The following LRRTM1 variants were observed in gnomAD, a reference collection of about 807,000 sequenced individuals.
LRRTM1 encodes leucine-rich repeat transmembrane neuronal protein 1.
A neutral mutation model predicts 37.3 loss-of-function variants in LRRTM1; 8 were observed. The ratio of observed to expected loss-of-function variants is 0.21; its 90% confidence interval spans 0.13 to 0.39. The LOEUF is 0.39. Ranked by LOEUF, LRRTM1 falls within the 10% of genes least tolerant of loss-of-function variation. The pLI is 1.00. For missense variants in LRRTM1, 557 were observed against 691.0 expected, an observed-to-expected ratio of 0.81 and a Z score of 2.17; for synonymous variants, 326 against 316.8, an observed-to-expected ratio of 1.03 and a Z score of -0.31.
chr2:80,301,529 A>G (rs958837493), downstream of LRRTM1, among the ~76,000 whole-genome samples: 3 of 152,194 alleles, frequency 2.0e-5, no homozygotes, highest in Non-Finnish European at 4.4e-5. Context: ...TTTAAAAACC[A>G]TTTGCAATGC....
At chr2:80,301,499 G>A (rs1441476436), downstream of LRRTM1, among the ~76,000 whole-genome samples, 1 of 152,156 alleles carries the variant, frequency 6.6e-6, no homozygotes, top group African/African-American at 2.4e-5. Flanking sequence ...GTTCCTAGGA[G>A]AAACTGTCTG....
At chr2:80,296,612 A>G (rs891316239) in intron 2 of LRRTM1, among the ~76,000 whole-genome samples, 1 of 152,240 alleles carries the variant, frequency 6.6e-6, no homozygotes. Context: ...ATCTAAAACT[A>G]ACTCAGAAGT....
downstream of LRRTM1, chr2:80,299,724 T>A (rs1676071951): frequency 6.6e-6 from 1 of 152,198 alleles, no homozygotes; most frequent in African/African-American, 2.4e-5. Context: ...TAAAAATGTC[T>A]TGGGGATAGG....
In LRRTM1 at chr2:80,303,443, G is replaced by A. The variant is rs758815898; in HGVS notation, c.377C>T (p.Thr126Ile). The A allele has an allele frequency of 8.1e-6, 13 of 1,614,242 alleles. 1 individual carries two copies. The South Asian group carries it at 1.2e-4, about 15-fold the overall frequency. The change falls in exon 2 of 2, where the codon ACC (threonine) becomes ATC (isoleucine). Residue 126 changes from threonine (T) to isoleucine (I), a missense_variant. Thr to Ile is a moderately conservative substitution (Grantham distance 89). Coordinates refer to ENST00000295057, the MANE Select transcript of LRRTM1 (RefSeq NM_178839.5). The surrounding 1 kb of genome is among the most constrained non-coding windows in gnomAD (Gnocchi z 7.7). ...KELTLSSNQI[T>I]QLPNTTFRPM... is the part of the protein sequence containing the mutation. Reference sequence around the variant, plus strand: ...CCGGAAGGTGGTGTTGGGCAGTTGGGTGATCTGGTTGGAACTCAGCGTGAG... The same window carrying A: ...CCGGAAGGTGGTGTTGGGCAGTTGGATGATCTGGTTGGAACTCAGCGTGAG...
chr2:80,291,244 G>C (rs187684300), intron 2 of LRRTM1, among the ~76,000 whole-genome samples: 1 of 152,334 alleles, frequency 6.6e-6, no homozygotes, highest in African/African-American at 2.4e-5. Flanking sequence ...GATAGCAAAG[G>C]AGAATGCATA....
At chr2:80,289,381 C>T (rs984540116) in intron 2 of LRRTM1, among the ~76,000 whole-genome samples, 2 of 152,112 alleles carry the variant, frequency 1.3e-5, no homozygotes, top group African/African-American at 4.8e-5. Context: ...ATATTACTTG[C>T]CCTACTAATC....
At chr2:80,300,149 AG>A (rs984190771), downstream of LRRTM1, among the ~76,000 whole-genome samples, 1 of 152,122 alleles carries the variant, frequency 6.6e-6, no homozygotes, top group Admixed American at 6.5e-5. Flanking sequence ...TATCAAACAA[AG>A]CACCTCTCTT....
chr2:80,297,667 G>A (rs536800444), downstream of LRRTM1, among the ~76,000 whole-genome samples: 1 of 152,168 alleles, frequency 6.6e-6, no homozygotes, highest in African/African-American at 2.4e-5. Context: ...ATACTTTAAT[G>A]GAAAAATACT....
intron 2 of LRRTM1, among the ~76,000 whole-genome samples, chr2:80,291,703 C>T (rs1261468364): frequency 6.6e-6 from 1 of 152,166 alleles, no homozygotes; most frequent in Non-Finnish European, 1.5e-5. Flanking sequence ...TTTTCACCTC[C>T]AGGAATTGAC....
In LRRTM1 at chr2:80,303,237, T is replaced by G. The variant is rs1275510872; in HGVS notation, c.583A>C (p.Asn195His). Residue 195 changes from asparagine to histidine, a missense_variant, in exon 2 of 2, where the codon AAT becomes CAT. Physicochemically the swap from Asn to His is moderately conservative, Grantham distance 68. Around this residue, in one of 5 missense-constraint regions of LRRTM1, gnomAD observed 200 missense variants for 249.9 expected, o/e 0.80. Transcript: ENST00000295057. This position sits in a 1 kb window ranked among gnomAD's most constrained non-coding sequence, Gnocchi z 7.7. Reference sequence around the variant, plus strand: ...TTGCGCGCCAGACTCTTGAGCTGATTGTATCCGATGTCGAGAAACTTGAGG... The same window carrying G: ...TTGCGCGCCAGACTCTTGAGCTGATGGTATCCGATGTCGAGAAACTTGAGG... ...RSLKFLDIGY[N>H]QLKSLARNSF... 6.2e-7 allele frequency: 1 copy of G among 1,613,646 alleles called. No homozygotes were observed. Among genetic ancestry groups the G allele is most frequent in the Non-Finnish European group, 8.5e-7 (1 of 1,179,962 alleles).
chr2:80,289,028 G>C (rs1179825086), exon 3 of LRRTM1: 1 of 152,128 alleles, frequency 6.6e-6, no homozygotes, highest in South Asian at 2.1e-4. Flanking sequence ...GCACTTTTAA[G>C]ATGGGAGTAA....
chr2:80,288,753 C>T (rs1674986814), exon 3 of LRRTM1: 1 of 152,218 alleles, frequency 6.6e-6, no homozygotes, highest in Admixed American at 6.6e-5. Flanking sequence ...TTATTCCCCC[C>T]ACAAAGAGCT....
chr2:80,292,253 A>G (rs889105617), intron 2 of LRRTM1, among the ~76,000 whole-genome samples: 3 of 152,154 alleles, frequency 2.0e-5, no homozygotes, highest in African/African-American at 7.2e-5. Flanking sequence ...CTCAGTAACA[A>G]TGGGCTTAAT....
rs1675235414 is a variant in LRRTM1, at chr2:80,291,483, G to A, written c.*307-2288C>T. On this transcript the variant is annotated intron_variant and NMD_transcript_variant, in intron 2 of 2. Coordinates refer to the LRRTM1 transcript ENST00000417012. ...CTGCCAGAAGAAAGGGTCAACCTCA[G>A]ATGTGTACTTCATCATTTGTTAAAT... is the stretch of plus-strand genomic sequence containing the variant. 2.0e-5 allele frequency among the ~76,000 whole-genome samples: 3 copies of A among 152,228 alleles called. No homozygotes were observed. In the South Asian group the frequency reaches 6.2e-4, roughly 31 times the overall value.
downstream of LRRTM1, among the ~76,000 whole-genome samples, chr2:80,300,597 C>G (rs1676194589): frequency 6.6e-6 from 1 of 151,952 alleles, no homozygotes; most frequent in Non-Finnish European, 1.5e-5. Flanking sequence ...CCCCCATTCC[C>G]TCTTCCTGCT....
At chr2:80,301,642 G>T (rs1178299903), downstream of LRRTM1, among the ~76,000 whole-genome samples, 1 of 152,132 alleles carries the variant, frequency 6.6e-6, no homozygotes, top group African/African-American at 2.4e-5. Context: ...AATATAAAGG[G>T]TCTTGCAGTT....
intron 2 of LRRTM1, among the ~76,000 whole-genome samples, chr2:80,295,528 G>A (rs760549508): frequency 7.9e-5 from 12 of 152,272 alleles, no homozygotes; most frequent in East Asian, 1.9e-4. Flanking sequence ...AGGAATTCAG[G>A]GGAATTTTAA....
intron 2 of LRRTM1, among the ~76,000 whole-genome samples, chr2:80,294,679 G>A (rs1236685578): frequency 6.6e-6 from 1 of 151,970 alleles, no homozygotes; most frequent in African/African-American, 2.4e-5. Context: ...CCTCACCAAG[G>A]CCACACCCCA....
At chr2:80,290,733 A>G (rs1268382787) in intron 2 of LRRTM1, among the ~76,000 whole-genome samples, 2 of 152,244 alleles carry the variant, frequency 1.3e-5, no homozygotes, top group South Asian at 2.1e-4. Flanking sequence ...ATAAGAAACA[A>G]TGTTTGCTCC....
Sources: gnomAD v4.1 joint callset for allele counts (sites outside exome capture counted in the v4.1 genomes callset) on GRCh38, gnomAD v4.1.1 for gene constraint, gnomAD v4.1.1 regional missense constraint, Gnocchi (gnomAD v3.1) non-coding constraint, MANE v1.5 for transcripts, NCBI Gene and HGNC (gene_info 2026-07-23, HGNC 2026-07-21) for gene names.